TRPM3: variants seen among roughly 807,000 people sequenced by gnomAD.
TRPM3 encodes transient receptor potential cation channel subfamily M member 3.
Under a neutral mutation model 181.2 loss-of-function variants are expected in TRPM3, and 77 were observed. The observed-to-expected ratio is 0.42, with a 90% confidence interval of 0.35 to 0.51. TRPM3 has a LOEUF of 0.51. Among genes scored for constraint, TRPM3 ranks in the 20% least tolerant of loss-of-function variants. The probability of loss-of-function intolerance (pLI) is 0.01; values close to 1 mark genes in which losing one functional copy is unlikely to be tolerated. For missense variants in TRPM3, 1,759 were observed against 2,196.7 expected, an observed-to-expected ratio of 0.80 and a Z score of 3.98; for synonymous variants, 745 against 796.4, an observed-to-expected ratio of 0.94 and a Z score of 1.09.
At chr9:70,844,174 C>T (rs1470635079) in intron 4 of TRPM3, among the ~76,000 whole-genome samples, 1 of 152,152 alleles carries the variant, frequency 6.6e-6, no homozygotes, top group Non-Finnish European at 1.5e-5. Context: ...AGAGGAAGGG[C>T]TCAGACACTG....
chr9:71,395,988 C>G (rs2093181621), intron 1 of TRPM3, among the ~76,000 whole-genome samples: 1 of 151,766 alleles, frequency 6.6e-6, no homozygotes, highest in African/African-American at 2.4e-5. Context: ...TTTAGAAAAG[C>G]TAAAAAAGCA....
intron 1 of TRPM3, among the ~76,000 whole-genome samples, chr9:70,941,761 T>C (rs1166701424): frequency 6.6e-6 from 1 of 152,220 alleles, no homozygotes; most frequent in African/African-American, 2.4e-5. Context: ...AGGGGTTGGA[T>C]TGTACCAAAT....
In TRPM3 at chr9:71,121,273, C is replaced by A. The variant is rs923931009; in HGVS notation, c.82G>T (p.Gly28Trp). The A allele has an allele frequency of 1.2e-6, 2 of 1,614,036 alleles. No individual in the cohort carries two copies. The highest frequency in any genetic ancestry group is 2.7e-5 in the African/African-American group (2 of 74,920). The change falls in exon 1 of 26, where the codon GGG becomes TGG. Residue 28 changes from glycine (G) to tryptophan (W), a missense_variant. Physicochemically the swap from Gly to Trp is radical, Grantham distance 184. Coordinates refer to ENST00000677713, the MANE Select transcript of TRPM3 (RefSeq NM_001366145.2). ...SFLFSWWNLE[G>W]VMNQADAPRP... Reference sequence around the variant, plus strand: ...GGAGCATCAGCCTGATTCATGACCCCTTCCAAATTCCACCAGGAAAACAAG... The same window carrying A: ...GGAGCATCAGCCTGATTCATGACCCATTCCAAATTCCACCAGGAAAACAAG...
chr9:70,863,023 G>A lies in TRPM3; in HGVS notation c.347C>T (p.Ser116Phe), dbSNP rs753673456. ...CTTTTCAGACTGGATGTCATTTCGG[G>A]AGAGGCGACTTTCATTTTTCTCATT... The part of the protein sequence containing the change: ...LQNEKNESRL[S>F]RNDIQSEKWS... The change falls in exon 3 of 26, where the codon TCC becomes TTC. Residue 116 changes from serine (S) to phenylalanine (F), a missense_variant. By Grantham distance (155) the Ser-to-Phe change is radical. Coordinates refer to ENST00000677713, the MANE Select transcript of TRPM3 (RefSeq NM_001366145.2). 6.2e-7 allele frequency: 1 copy of A among 1,613,654 alleles called. No individual in the cohort carries two copies. The highest frequency in any genetic ancestry group is 1.1e-5 in the South Asian group (1 of 91,062).
At chr9:70,941,351 T>C (rs997751880) in intron 1 of TRPM3, among the ~76,000 whole-genome samples, 4 of 152,178 alleles carry the variant, frequency 2.6e-5, no homozygotes, top group Non-Finnish European at 5.9e-5. Context: ...TTCTTCAGCT[T>C]TTGGGCTCTT....
chr9:71,122,415 C>T (rs539967036), upstream of TRPM3, among the ~76,000 whole-genome samples: 1 of 152,320 alleles, frequency 6.6e-6, no homozygotes, highest in South Asian at 2.1e-4. Flanking sequence ...CCTGACACAA[C>T]CCCCCTTCGG....
chr9:71,093,105 A>T (rs2066497078), intron 1 of TRPM3, among the ~76,000 whole-genome samples: 1 of 152,208 alleles, frequency 6.6e-6, no homozygotes, highest in Non-Finnish European at 1.5e-5. Context: ...TAAAGACTTA[A>T]ATGTAAAACC....
At chr9:71,302,806 A>G (rs1009958194) in intron 1 of TRPM3, among the ~76,000 whole-genome samples, 2 of 151,972 alleles carry the variant, frequency 1.3e-5, no homozygotes, top group African/African-American at 4.8e-5. Context: ...AGGAAGGAAG[A>G]AAGAAGGAAG....
intron 1 of TRPM3, among the ~76,000 whole-genome samples, chr9:70,923,857 CATATAT>C (rs60597888): frequency 2.0e-5 from 3 of 146,532 alleles, no homozygotes; most frequent in Non-Finnish European, 1.5e-5. Flanking sequence ...CACACACACA[CATATAT>C]ATATATACAT....
chr9:71,049,876 G>C (rs1054907460), intron 1 of TRPM3, among the ~76,000 whole-genome samples: 1 of 152,122 alleles, frequency 6.6e-6, no homozygotes, highest in East Asian at 1.9e-4. Context: ...TCCCTCACCT[G>C]TGACCCACAA....
At chr9:70,651,009 A>G (rs1307078154) in intron 9 of TRPM3, among the ~76,000 whole-genome samples, 1 of 152,180 alleles carries the variant, frequency 6.6e-6, no homozygotes, top group Non-Finnish European at 1.5e-5. Flanking sequence ...TCCACTTTTT[A>G]TCGCAAAGTT....
chr9:71,442,138 G>A (rs1322817796), intron 1 of TRPM3, among the ~76,000 whole-genome samples: 2 of 152,182 alleles, frequency 1.3e-5, no homozygotes, highest in African/African-American at 4.8e-5. Flanking sequence ...TGGCAGCACT[G>A]TGCTTTCTAC....
rs1331540669 is a variant in TRPM3, at chr9:70,629,213, GC to G, written c.1633-3697del. ...GAGGATAAATGATTCTGTGACCAGT[GC>G]CGGGGGGGGGGGGGGCCTGCGTTCT... On this transcript the variant is annotated intron_variant, in intron 12 of 25. Coordinates refer to ENST00000677713, the MANE Select transcript of TRPM3 (RefSeq NM_001366145.2). Among the ~76,000 whole-genome samples, 11 of 57,010 alleles carry G rather than the reference GC, an allele frequency of 1.9e-4. 3 individuals are homozygous for G. The South Asian group carries it at 3.7e-3, about 19-fold the overall frequency. The allele number at this position is 57,010 out of a possible 152,430, so 37.4% of individuals were successfully genotyped here.
chr9:71,317,000 T>A (rs1268555422), intron 1 of TRPM3, among the ~76,000 whole-genome samples: 1 of 152,172 alleles, frequency 6.6e-6, no homozygotes, highest in Non-Finnish European at 1.5e-5. Flanking sequence ...TTTTGAGGCA[T>A]GAAAGAGTTT....
At chr9:71,226,356 T>C (rs2080650667) in intron 1 of TRPM3, among the ~76,000 whole-genome samples, 1 of 151,838 alleles carries the variant, frequency 6.6e-6, no homozygotes, top group Non-Finnish European at 1.5e-5. Flanking sequence ...TGAATATAAA[T>C]GGACTAAACT....
chr9:70,668,871 C>T (rs1251475870), intron 9 of TRPM3, among the ~76,000 whole-genome samples: 4 of 152,140 alleles, frequency 2.6e-5, no homozygotes, highest in Non-Finnish European at 5.9e-5. Flanking sequence ...TAGGCAGCAA[C>T]TGATTTAATG....
chr9:70,942,454 T>C (rs2096895410), intron 1 of TRPM3, among the ~76,000 whole-genome samples: 1 of 152,152 alleles, frequency 6.6e-6, no homozygotes, highest in Non-Finnish European at 1.5e-5. Flanking sequence ...CCATCAACAA[T>C]CACATTGGTA....
intron 1 of TRPM3, among the ~76,000 whole-genome samples, chr9:71,344,040 TAGATTAGATTGATA>T (rs1312479177): frequency 6.6e-6 from 1 of 151,968 alleles, no homozygotes; most frequent in East Asian, 1.9e-4. Context: ...TAGATTAGAT[TAGATTAGATTGATA>T]GATAGATAAA....
intron 1 of TRPM3, among the ~76,000 whole-genome samples, chr9:70,973,692 ATTCCCT>A (rs1270105908): frequency 6.6e-6 from 1 of 152,212 alleles, no homozygotes; most frequent in East Asian, 1.9e-4. Flanking sequence ...CATCATCTTC[ATTCCCT>A]CCTCTGACCT....
Sources: allele counts gnomAD v4.1 joint callset (sites outside exome capture counted in the v4.1 genomes callset), GRCh38; gene constraint gnomAD v4.1.1; transcripts MANE v1.5; gene names NCBI Gene and HGNC (gene_info 2026-07-23, HGNC 2026-07-21).